Variants in TCF7L1 observed in about 807,000 individuals in gnomAD.
The protein encoded by TCF7L1 is transcription factor 7 like 1.
TCF7L1 carries 18 observed loss-of-function variants against 63.7 expected under a neutral mutation model. The observed-to-expected ratio is 0.28, with a 90% confidence interval of 0.20 to 0.42. The LOEUF is 0.42. TCF7L1 is among the 10% of genes least tolerant of loss of function. The pLI is 1.00. For missense variants in TCF7L1, 654 were observed against 779.3 expected (o/e 0.84, Z 1.91); for synonymous variants, 355 against 340.9 (o/e 1.04, Z -0.46).
At chr2:85,143,302 T>C (rs1265415469) in intron 3 of TCF7L1, among the ~76,000 whole-genome samples, 1 of 152,236 alleles carries the variant, frequency 6.6e-6, no homozygotes, top group Non-Finnish European at 1.5e-5. Context: ...TATGTTTAAC[T>C]TCCCAGGGAG....
chr2:85,243,057 G>A (rs1680375496), intron 3 of TCF7L1, among the ~76,000 whole-genome samples: 1 of 152,172 alleles, frequency 6.6e-6, no homozygotes, highest in Non-Finnish European at 1.5e-5. Flanking sequence ...AACCTCATAT[G>A]TCTTGGTTAA....
At chr2:85,192,176 C>G (rs1679048549) in intron 3 of TCF7L1, among the ~76,000 whole-genome samples, 1 of 152,186 alleles carries the variant, frequency 6.6e-6, no homozygotes. Context: ...CTATTTCACC[C>G]TAATGAAGAT....
At chr2:85,151,788 T>G (rs1678022267) in intron 3 of TCF7L1, among the ~76,000 whole-genome samples, 1 of 152,210 alleles carries the variant, frequency 6.6e-6, no homozygotes, top group South Asian at 2.1e-4. Context: ...AGGTGCCCAG[T>G]TAATTAGCTG....
intron 3 of TCF7L1, among the ~76,000 whole-genome samples, chr2:85,267,391 T>C (rs923553865): frequency 6.7e-6 from 1 of 148,852 alleles, no homozygotes; most frequent in Non-Finnish European, 1.5e-5. Flanking sequence ...GGCTCACACC[T>C]GTAATCTCAG....
intron 3 of TCF7L1, among the ~76,000 whole-genome samples, chr2:85,144,275 T>A (rs181001578): frequency 6.6e-6 from 1 of 152,174 alleles, no homozygotes; most frequent in East Asian, 1.9e-4. Flanking sequence ...CAGCGTTAAT[T>A]GACCATTAAG....
chr2:85,180,691 C>G (rs1036631217), intron 3 of TCF7L1, among the ~76,000 whole-genome samples: 16 of 152,216 alleles, frequency 1.1e-4, no homozygotes, highest in African/African-American at 3.4e-4. Context: ...ATAAGAGTTA[C>G]AGCTGACCCT....
Position 85,309,261 on chromosome 2 carries a change from C to T in TCF7L1, c.1566C>T (p.Phe522=), listed in dbSNP as rs777271008. Residue 522 remains phenylalanine, a synonymous_variant, in exon 12 of 12, where the codon TTC becomes TTT. Coordinates refer to ENST00000282111, the MANE Select transcript of TCF7L1 (RefSeq NM_031283.3). ...AGCTGGCTCTCCACTCTGCCGCCTT[C>T]CTGTCGGCTAAGGCTGCAGCCTCCT... ...RAQLALHSAA[F]LSAKAAASSS... 6.2e-7 allele frequency: 1 copy of T among 1,613,940 alleles called. No individual in the cohort carries two copies. The highest frequency in any genetic ancestry group is 8.5e-7 in the Non-Finnish European group (1 of 1,180,008).
At chr2:85,228,034 C>T (rs1679996649) in intron 3 of TCF7L1, among the ~76,000 whole-genome samples, 1 of 147,924 alleles carries the variant, frequency 6.8e-6, no homozygotes, top group African/African-American at 2.5e-5. Context: ...CAAACATTTT[C>T]ATGTTGTTTG....
intron 4 of TCF7L1, among the ~76,000 whole-genome samples, chr2:85,299,131 A>G (rs1438760525): frequency 6.7e-6 from 1 of 149,584 alleles, no homozygotes; most frequent in Admixed American, 6.6e-5. Context: ...TAATTCTGTT[A>G]CCCATTGAGT....
intron 3 of TCF7L1, among the ~76,000 whole-genome samples, chr2:85,190,526 T>TTC (rs1453402784): frequency 6.6e-6 from 1 of 152,120 alleles, no homozygotes; most frequent in African/African-American, 2.4e-5. Flanking sequence ...GAGAATGGAC[T>TTC]TCATGGACAC....
intron 3 of TCF7L1, among the ~76,000 whole-genome samples, chr2:85,152,432 TC>T (rs1678038003): frequency 2.4e-5 from 2 of 84,378 alleles, no homozygotes; most frequent in African/African-American, 4.6e-5. Flanking sequence ...CCATTCTCTC[TC>T]TCTCTTTTTT....
At chr2:85,174,027 G>A (rs908175664) in intron 3 of TCF7L1, among the ~76,000 whole-genome samples, 10 of 152,228 alleles carry the variant, frequency 6.6e-5, no homozygotes, top group South Asian at 4.1e-4. Flanking sequence ...GAGCCACCGC[G>A]CCCGGCCAGA....
chr2:85,170,105 C>A (rs1678514384), intron 3 of TCF7L1, among the ~76,000 whole-genome samples: 1 of 152,132 alleles, frequency 6.6e-6, no homozygotes, highest in Admixed American at 6.5e-5. Flanking sequence ...GATGAGATCC[C>A]AAGGGCCAGC....
chr2:85,304,360 G>C, intron 7 of TCF7L1, 22 bp downstream of exon 7: 2 of 1,609,380 alleles, frequency 1.2e-6, no homozygotes, highest in Admixed American at 1.7e-5. Flanking sequence ...GGCTGGGGCT[G>C]TCCGCATGTT....
At chr2:85,228,488 T>G (rs1296348388) in intron 3 of TCF7L1, among the ~76,000 whole-genome samples, 1 of 152,120 alleles carries the variant, frequency 6.6e-6, no homozygotes. Context: ...GAGAGAGGGA[T>G]GAATGTCCAG....
At chr2:85,204,575 C>G (rs1010261612) in intron 3 of TCF7L1, among the ~76,000 whole-genome samples, 3 of 151,900 alleles carry the variant, frequency 2.0e-5, no homozygotes, top group Non-Finnish European at 4.4e-5. Context: ...GAGGCGGGGT[C>G]TTACTATGTT....
chr2:85,246,598 A>C (rs1269121610), intron 3 of TCF7L1, among the ~76,000 whole-genome samples: 1 of 152,110 alleles, frequency 6.6e-6, no homozygotes, highest in Non-Finnish European at 1.5e-5. Context: ...GAGGCTCTCC[A>C]CGCAGGTCTC....
chr2:85,154,142 T>TC (rs1318982051), intron 3 of TCF7L1, among the ~76,000 whole-genome samples: 2 of 152,234 alleles, frequency 1.3e-5, no homozygotes, highest in Non-Finnish European at 2.9e-5. Context: ...CTATGGACTT[T>TC]CCTTCATCTG....
chr2:85,254,444 A>G (rs1349617341), intron 3 of TCF7L1, among the ~76,000 whole-genome samples: 2 of 152,138 alleles, frequency 1.3e-5, no homozygotes, highest in Admixed American at 6.5e-5. Context: ...TTTTTCCTGC[A>G]TTGGGGGGGC....
Sources: allele counts gnomAD v4.1 joint callset (sites outside exome capture counted in the v4.1 genomes callset), GRCh38; gene constraint gnomAD v4.1.1; transcripts MANE v1.5; gene names NCBI Gene and HGNC (gene_info 2026-07-23, HGNC 2026-07-21).